AGBL1: variants seen among roughly 807,000 people sequenced by gnomAD.
AGBL1 encodes the protein cytosolic carboxypeptidase 4.
A neutral mutation model predicts 118.9 loss-of-function variants in AGBL1; 130 were observed. That is an observed-to-expected ratio of 1.09 (90% confidence interval 0.95 to 1.26). The LOEUF is 1.26. AGBL1 is among the 50% of genes most tolerant of loss of function. The pLI is 0.00. For synonymous variants in AGBL1, 555 were observed against 478.9 expected, an observed-to-expected ratio of 1.16 and a Z score of -2.08; for missense variants, 1,584 against 1,298.1, an observed-to-expected ratio of 1.22 and a Z score of -3.38.
At chr15:86,152,454 C>A (rs569438071) in intron 3 of AGBL1, among the ~76,000 whole-genome samples, 1 of 152,250 alleles carries the variant, frequency 6.6e-6, no homozygotes, top group East Asian at 1.9e-4. Flanking sequence ...GGAAAACTGG[C>A]CAGCGATATG....
intron 17 of AGBL1, among the ~76,000 whole-genome samples, chr15:86,354,621 A>G (rs918222558): frequency 1.8e-4 from 27 of 152,234 alleles, no homozygotes; most frequent in Admixed American, 1.6e-3. Context: ...TTTTGAAATG[A>G]CAGTTGAAGT....
At chr15:86,927,816 T>C (rs915306420) in intron 23 of AGBL1, among the ~76,000 whole-genome samples, 5 of 152,108 alleles carry the variant, frequency 3.3e-5, no homozygotes, top group African/African-American at 4.8e-5. Context: ...AAACCACTGA[T>C]TGAAGGACAA....
intron 1 of AGBL1, among the ~76,000 whole-genome samples, chr15:86,095,480 G>T (rs1896305349): frequency 6.6e-6 from 1 of 151,996 alleles, no homozygotes. Context: ...GAGATTCCAA[G>T]GGTCTTAGAA....
intron 18 of AGBL1, among the ~76,000 whole-genome samples, chr15:86,423,677 C>A (rs561609451): frequency 6.6e-6 from 1 of 152,290 alleles, no homozygotes; most frequent in Non-Finnish European, 1.5e-5. Context: ...TGATAAGCAA[C>A]TTCAGCAAAG....
intron 22 of AGBL1, among the ~76,000 whole-genome samples, chr15:86,679,697 A>G (rs2085917164): frequency 6.6e-6 from 1 of 152,140 alleles, no homozygotes; most frequent in South Asian, 2.1e-4. Flanking sequence ...GTTTGATATT[A>G]ATATTTGATA....
At chr15:86,376,533 C>T (rs1191210206) in intron 17 of AGBL1, among the ~76,000 whole-genome samples, 2 of 152,242 alleles carry the variant, frequency 1.3e-5, no homozygotes, top group Non-Finnish European at 2.9e-5. Context: ...ATTACTTCCT[C>T]ACTGCCATGA....
intron 18 of AGBL1, among the ~76,000 whole-genome samples, chr15:86,502,917 T>C (rs1170853296): frequency 1.3e-5 from 2 of 151,448 alleles, no homozygotes; most frequent in Non-Finnish European, 3.0e-5. Flanking sequence ...ACCCGGCTAA[T>C]ATTGGACTCA....
intron 21 of AGBL1, among the ~76,000 whole-genome samples, chr15:86,661,973 A>C (rs895525548): frequency 6.6e-6 from 1 of 152,206 alleles, no homozygotes; most frequent in Non-Finnish European, 1.5e-5. Flanking sequence ...TGGGAATACT[A>C]ATCTTTTATC....
chr15:86,960,389 C>A (rs936142458), intron 23 of AGBL1, among the ~76,000 whole-genome samples: 2 of 151,906 alleles, frequency 1.3e-5, no homozygotes, highest in Non-Finnish European at 2.9e-5. Flanking sequence ...TTGAAATGAG[C>A]CAAATCCACC....
At chr15:86,774,426 A>G (rs1207051436) in intron 22 of AGBL1, among the ~76,000 whole-genome samples, 1 of 152,116 alleles carries the variant, frequency 6.6e-6, no homozygotes, top group Non-Finnish European at 1.5e-5. Flanking sequence ...CTTTTGTTTT[A>G]TTCAATTTAT....
chr15:86,560,737 C>T (rs2142284965), intron 21 of AGBL1, among the ~76,000 whole-genome samples: 1 of 152,334 alleles, frequency 6.6e-6, no homozygotes, highest in South Asian at 2.1e-4. Flanking sequence ...AATGGTTGAA[C>T]CAGTTTACAG....
At chr15:86,451,535 A>T (rs773930002) in intron 18 of AGBL1, among the ~76,000 whole-genome samples, 21 of 152,204 alleles carry the variant, frequency 1.4e-4, no homozygotes, top group Non-Finnish European at 2.5e-4. Flanking sequence ...ACTTTGGCCA[A>T]ATAGGGCTTG....
At chr15:86,484,371 A>G (rs2082688921) in intron 18 of AGBL1, among the ~76,000 whole-genome samples, 1 of 152,118 alleles carries the variant, frequency 6.6e-6, no homozygotes, top group African/African-American at 2.4e-5. Flanking sequence ...ACCAGCAGAG[A>G]GGAGTTATTG....
At chr15:86,595,203 A>G (rs2084388984) in intron 21 of AGBL1, among the ~76,000 whole-genome samples, 1 of 152,156 alleles carries the variant, frequency 6.6e-6, no homozygotes, top group Non-Finnish European at 1.5e-5. Context: ...AACCAGTCTC[A>G]TAACTTAAAG....
At chr15:86,576,271 A>G (rs370373320) in intron 21 of AGBL1, among the ~76,000 whole-genome samples, 2 of 152,190 alleles carry the variant, frequency 1.3e-5, no homozygotes, top group Non-Finnish European at 2.9e-5. Flanking sequence ...AAAACATCAG[A>G]CAAATTAAAT....
intron 22 of AGBL1, among the ~76,000 whole-genome samples, chr15:86,751,500 A>G (rs1016892603): frequency 6.6e-6 from 1 of 152,156 alleles, no homozygotes; most frequent in Non-Finnish European, 1.5e-5. Context: ...GCCAAAAGCA[A>G]TGTCAACAAA....
intron 16 of AGBL1, among the ~76,000 whole-genome samples, chr15:86,289,860 A>G (rs1283430478): frequency 6.6e-6 from 1 of 152,196 alleles, no homozygotes; most frequent in Non-Finnish European, 1.5e-5. Flanking sequence ...GTGTAAAATA[A>G]CATCTTCACA....
rs146841493 is a variant in AGBL1, at chr15:86,720,751, G to A, written c.3158+46315G>A. Reference sequence around the variant, plus strand: ...AGATAAGAAAGGAAGTGGATAGATCGCTAGCAAGACTAATAAAGAAGAAAA... The same window carrying A: ...AGATAAGAAAGGAAGTGGATAGATCACTAGCAAGACTAATAAAGAAGAAAA... On this transcript the variant is annotated intron_variant, in intron 22 of 22. Transcript: ENST00000614907. 2.3e-3 allele frequency among the ~76,000 whole-genome samples: 356 copies of A among 152,194 alleles called. 2 individuals carry two copies. Among genetic ancestry groups the A allele is most frequent in the African/African-American group, 8.2e-3 (340 of 41,538 alleles).
intron 21 of AGBL1, among the ~76,000 whole-genome samples, chr15:86,610,520 A>G (rs541557677): frequency 6.6e-6 from 1 of 152,278 alleles, no homozygotes; most frequent in South Asian, 2.1e-4. Context: ...GGGGCTGCTC[A>G]CTGTTCTGCC....
Sources: gnomAD v4.1 joint callset for allele counts (sites outside exome capture counted in the v4.1 genomes callset) on GRCh38, gnomAD v4.1.1 for gene constraint, MANE v1.5 for transcripts, NCBI Gene and HGNC (gene_info 2026-07-23, HGNC 2026-07-21) for gene names.